Variants in CNTLN observed in about 807,000 individuals in gnomAD.
CNTLN encodes the protein centlein, centrosomal protein.
Under a neutral mutation model 180.0 loss-of-function variants are expected in CNTLN, and 212 were observed. The observed-to-expected ratio is 1.18, with a 90% CI of 1.05 to 1.32. The LOEUF (loss-of-function observed/expected upper bound fraction) is 1.32. Among genes scored for constraint, CNTLN ranks in the 40% most tolerant of loss-of-function variants. The pLI is 0.00. For missense variants in CNTLN, 2,095 were observed against 1,610.9 expected (o/e 1.30, Z -5.14); for synonymous variants, 722 against 563.1 (o/e 1.28, Z -3.99).
intron 8 of CNTLN, among the ~76,000 whole-genome samples, chr9:17,326,278 G>T (rs1344415617): frequency 6.6e-6 from 1 of 151,852 alleles, no homozygotes; most frequent in Non-Finnish European, 1.5e-5. Flanking sequence ...AACTAAAAGG[G>T]AGCAAAATAT....
intron 2 of CNTLN, among the ~76,000 whole-genome samples, chr9:17,147,121 G>T (rs535534830): frequency 6.6e-6 from 1 of 152,144 alleles, no homozygotes. Flanking sequence ...TGAATGTAAG[G>T]TTTGCCTATG....
At chr9:17,507,662 T>G (rs1023331742), downstream of CNTLN, among the ~76,000 whole-genome samples, 36 of 152,290 alleles carry the variant, frequency 2.4e-4, no homozygotes, top group African/African-American at 8.7e-4. Context: ...ACTTTTTTGT[T>G]GCCTGTGACA....
chr9:17,516,051 G>C, the CNTLN span, among the ~76,000 whole-genome samples: 1 of 152,108 alleles, frequency 6.6e-6, no homozygotes, highest in African/African-American at 2.4e-5. Flanking sequence ...GCCCAACTCA[G>C]TACCTTTGCA....
intron 12 of CNTLN, among the ~76,000 whole-genome samples, chr9:17,360,231 A>C (rs1823258487): frequency 6.6e-6 from 1 of 152,200 alleles, no homozygotes; most frequent in Non-Finnish European, 1.5e-5. Context: ...TTATTCAATG[A>C]AACTTGTTAA....
At chr9:17,315,652 C>T (rs182556431) in intron 8 of CNTLN, among the ~76,000 whole-genome samples, 1 of 152,102 alleles carries the variant, frequency 6.6e-6, no homozygotes, top group Non-Finnish European at 1.5e-5. Context: ...ATATTTTGAG[C>T]TCTTTTTTGT....
intron 5 of CNTLN, 78 bp from the exon 6 acceptor site, chr9:17,273,655 A>G: frequency 1.4e-6 from 1 of 718,832 alleles, no homozygotes; most frequent in Non-Finnish European, 2.1e-6. Context: ...ATTTTGTAGA[A>G]TAATTAAATA....
intron 5 of CNTLN, among the ~76,000 whole-genome samples, chr9:17,254,944 G>A (rs1826382856): frequency 6.6e-6 from 1 of 151,568 alleles, no homozygotes; most frequent in Admixed American, 6.6e-5. Context: ...ATTTATTTGT[G>A]TCCTCTATAA....
At chr9:17,204,573 T>A (rs1300161523) in intron 2 of CNTLN, among the ~76,000 whole-genome samples, 1 of 152,198 alleles carries the variant, frequency 6.6e-6, no homozygotes, top group Non-Finnish European at 1.5e-5. Flanking sequence ...ACCGGCCTGA[T>A]GCCAGCAGGA....
chr9:17,313,728 TCCTTTTGAGATTAC>T (rs1819363468), intron 8 of CNTLN, among the ~76,000 whole-genome samples: 2 of 152,250 alleles, frequency 1.3e-5, no homozygotes, highest in African/African-American at 2.4e-5. Flanking sequence ...CTTTCTTTTC[TCCTTTTGAGATTAC>T]CATTTCCCTT....
At chr9:17,267,938 C>G (rs531982680) in intron 5 of CNTLN, among the ~76,000 whole-genome samples, 6 of 152,164 alleles carry the variant, frequency 3.9e-5, no homozygotes, top group Admixed American at 6.5e-5. Flanking sequence ...ATCCATTCGT[C>G]TAATTTTTTT....
At chr9:17,380,276 A>T (rs1485681287) in intron 13 of CNTLN, among the ~76,000 whole-genome samples, 1 of 152,176 alleles carries the variant, frequency 6.6e-6, no homozygotes, top group Non-Finnish European at 1.5e-5. Flanking sequence ...GAGGAAAAGT[A>T]TAAAGTCAGA....
At chr9:17,243,605 T>A (rs1382971206) in intron 5 of CNTLN, among the ~76,000 whole-genome samples, 1 of 152,226 alleles carries the variant, frequency 6.6e-6, no homozygotes, top group Non-Finnish European at 1.5e-5. Context: ...TTAATTTCCA[T>A]GTGATGTGTC....
chr9:17,299,614 A>G (rs1818208161), intron 7 of CNTLN: 1 of 985,184 alleles, frequency 1.0e-6, no homozygotes, highest in Admixed American at 6.2e-5. Flanking sequence ...GATAGCAAGC[A>G]GGAAGATACA....
intron 25 of CNTLN, among the ~76,000 whole-genome samples, chr9:17,489,006 A>T (rs966958831): frequency 1.3e-5 from 2 of 152,092 alleles, no homozygotes; most frequent in African/African-American, 4.8e-5. Context: ...TTTTATTTTT[A>T]TTACTGACAT....
intron 2 of CNTLN, among the ~76,000 whole-genome samples, chr9:17,176,512 G>A (rs374189073): frequency 3.9e-5 from 6 of 152,122 alleles, no homozygotes; most frequent in South Asian, 2.1e-4. Flanking sequence ...AGGATTGATT[G>A]CATCTCTAAT....
rs117040296 is a variant in CNTLN, at chr9:17,168,925, C to T, written c.449+25549C>T. On this transcript the variant is annotated intron_variant, in intron 2 of 25. Coordinates refer to ENST00000380647, the MANE Select transcript of CNTLN (RefSeq NM_017738.4). ...CCAGGTCAGCAACAAATTACAGGGG[C>T]AGGAGTTATGGAAAGTTTGTTCACT... Among the ~76,000 whole-genome samples the T allele has an allele frequency of 1.6e-3, 246 of 152,186 alleles. 5 individuals carry two copies. In the East Asian group the frequency reaches 0.044, roughly 27 times the overall value.
rs760952380 is a variant in CNTLN at position 17,366,663 on chromosome 9, A to G, written c.1933A>G (p.Ile645Val). ...AGATGAACTTAAAGTACATATATCT[A>G]TTGATAAGGCAGCAATACAAGAATT... ...ELDELKVHIS[I>V]DKAAIQELNR... Residue 645 changes from isoleucine to valine, a missense_variant, in exon 13 of 26, where the codon ATT becomes GTT. Ile to Val is a conservative substitution (Grantham distance 29, BLOSUM62 3). Coordinates refer to ENST00000380647, the MANE Select transcript of CNTLN (RefSeq NM_017738.4). The G allele has an allele frequency of 3.2e-5, 51 of 1,590,332 alleles. No individual in the cohort carries two copies. The highest frequency in any genetic ancestry group is 1.7e-4 in the Middle Eastern group (1 of 6,036).
At chr9:17,381,816 C>A (rs148934865) in intron 13 of CNTLN, among the ~76,000 whole-genome samples, 4 of 152,174 alleles carry the variant, frequency 2.6e-5, no homozygotes, top group Non-Finnish European at 4.4e-5. Flanking sequence ...TAGGTCTGCT[C>A]CATATTTCTT....
chr9:17,428,563 A>C (rs1327585960), intron 18 of CNTLN, among the ~76,000 whole-genome samples: 2 of 152,122 alleles, frequency 1.3e-5, no homozygotes, highest in Non-Finnish European at 2.9e-5. Flanking sequence ...AGTAGGTTAT[A>C]TTTGCACAGT....
Sources: gnomAD v4.1 joint callset for allele counts (sites outside exome capture counted in the v4.1 genomes callset) on GRCh38, gnomAD v4.1.1 for gene constraint, MANE v1.5 for transcripts, NCBI Gene and HGNC (gene_info 2026-07-23, HGNC 2026-07-21) for gene names.